Variants in GRID1 observed in about 807,000 individuals in gnomAD.
GRID1 encodes glutamate receptor ionotropic, delta-1.
GRID1 carries 28 observed loss-of-function variants against 98.0 expected under a neutral mutation model. The observed-to-expected ratio is 0.29, with a 90% confidence interval of 0.21 to 0.39. The LOEUF is 0.39. Ranked by LOEUF, GRID1 falls within the 10% of genes least tolerant of loss-of-function variation. The pLI is 1.00. For synonymous variants in GRID1, 553 were observed against 538.5 expected, an observed-to-expected ratio of 1.03 and a Z score of -0.37; for missense variants, 1,111 against 1,340.5, an observed-to-expected ratio of 0.83 and a Z score of 2.67.
intron 4 of GRID1, among the ~76,000 whole-genome samples, chr10:85,920,482 C>T (rs528039024): frequency 1.3e-5 from 2 of 152,320 alleles, no homozygotes; most frequent in East Asian, 3.9e-4. Flanking sequence ...GCCCACCCAA[C>T]CCCAACAGGC....
At position 86,187,558 on chromosome 10, in the gene GRID1, A is replaced by G. The variant is rs376983795; in HGVS notation, c.520+18806T>C. The stretch of plus-strand genomic sequence containing the variant: ...ACCCAGCACTGAACGAGACCAGGAA[A>G]TGTGAGATTCCCAGGAGCAGCCAGA... On this transcript the variant is annotated intron_variant, in intron 3 of 15. Coordinates refer to ENST00000327946, the MANE Select transcript of GRID1 (RefSeq NM_017551.3). Among the ~76,000 whole-genome samples, 4 of 152,324 alleles carry G rather than the reference A, an allele frequency of 2.6e-5. No individual in the cohort carries two copies. In the South Asian group the frequency reaches 6.2e-4, roughly 24 times the overall value.
chr10:85,927,510 T>TAAAA (rs60653864), intron 4 of GRID1, among the ~76,000 whole-genome samples: 5,253 of 146,332 alleles, frequency 0.036, 140 homozygotes, highest in South Asian at 0.13. Flanking sequence ...AAGTTTCTTG[T>TAAAA]AAAAAAAAAA....
intron 8 of GRID1, among the ~76,000 whole-genome samples, chr10:85,804,455 A>T (rs1842604361): frequency 6.6e-6 from 1 of 151,884 alleles, no homozygotes; most frequent in Admixed American, 6.6e-5. Flanking sequence ...AACAATACCA[A>T]TTTCACACAA....
chr10:86,183,688 T>A (rs911252820), intron 3 of GRID1, among the ~76,000 whole-genome samples: 1 of 152,236 alleles, frequency 6.6e-6, no homozygotes, highest in African/African-American at 2.4e-5. Flanking sequence ...CACTTGCCAA[T>A]GGACATTTTG....
intron 4 of GRID1, among the ~76,000 whole-genome samples, chr10:86,107,691 G>T (rs1011002945): frequency 6.6e-6 from 1 of 152,182 alleles, no homozygotes; most frequent in Non-Finnish European, 1.5e-5. Flanking sequence ...AAACACACAG[G>T]CAGCTGAATA....
At chr10:86,019,576 C>T (rs563950026) in intron 4 of GRID1, among the ~76,000 whole-genome samples, 1 of 152,376 alleles carries the variant, frequency 6.6e-6, no homozygotes, top group Admixed American at 6.5e-5. Context: ...CACATGCATG[C>T]TAGGCCCTTT....
At chr10:86,055,597 G>C (rs1203064941) in intron 4 of GRID1, among the ~76,000 whole-genome samples, 1 of 152,120 alleles carries the variant, frequency 6.6e-6, no homozygotes, top group Non-Finnish European at 1.5e-5. Context: ...ACAAAAATTA[G>C]ACAGACATGA....
At chr10:86,210,636 T>A (rs1846095001) in intron 2 of GRID1, among the ~76,000 whole-genome samples, 1 of 152,154 alleles carries the variant, frequency 6.6e-6, no homozygotes, top group South Asian at 2.1e-4. Flanking sequence ...CCACCCCTCG[T>A]GGAGCCACCT....
At chr10:85,920,729 C>T (rs1390445124) in intron 4 of GRID1, among the ~76,000 whole-genome samples, 2 of 152,166 alleles carry the variant, frequency 1.3e-5, no homozygotes, top group Non-Finnish European at 2.9e-5. Flanking sequence ...CCCGGTCAGA[C>T]AAGCAAAGGG....
intron 4 of GRID1, among the ~76,000 whole-genome samples, chr10:86,117,964 A>G (rs1025737024): frequency 6.6e-6 from 1 of 152,254 alleles, no homozygotes; most frequent in African/African-American, 2.4e-5. Context: ...TATCTACCCA[A>G]AGGAAAAGAA....
chr10:86,063,337 G>A (rs1211705385), intron 4 of GRID1, among the ~76,000 whole-genome samples: 1 of 152,184 alleles, frequency 6.6e-6, no homozygotes, highest in African/African-American at 2.4e-5. Flanking sequence ...AAGCATAAAG[G>A]AGCTCATGGT....
intron 4 of GRID1, among the ~76,000 whole-genome samples, chr10:86,064,438 G>A (rs113858288): frequency 0.043 from 6,588 of 152,304 alleles, 168 homozygotes; most frequent in Middle Eastern, 0.068. Context: ...AAGCTGGCCT[G>A]GAAGGGATGC....
intron 4 of GRID1, among the ~76,000 whole-genome samples, chr10:86,014,345 A>G (rs1174217070): frequency 1.3e-5 from 2 of 152,246 alleles, no homozygotes; most frequent in East Asian, 1.9e-4. Context: ...AATGGAAACC[A>G]TACTAAATGG....
intron 4 of GRID1, among the ~76,000 whole-genome samples, chr10:86,123,978 C>T (rs889659150): frequency 1.3e-5 from 2 of 152,220 alleles, no homozygotes; most frequent in African/African-American, 4.8e-5. Context: ...CAGAATGAGG[C>T]TGCCAGGCAG....
intron 10 of GRID1, among the ~76,000 whole-genome samples, chr10:85,726,909 T>C (rs74148734): frequency 0.061 from 9,273 of 152,254 alleles, 539 homozygotes; most frequent in African/African-American, 0.15. Flanking sequence ...ATAAATTTTA[T>C]AGTATGTGAA....
intron 4 of GRID1, among the ~76,000 whole-genome samples, chr10:86,104,283 C>T (rs570492309): frequency 2.5e-3 from 378 of 152,332 alleles, no homozygotes; most frequent in African/African-American, 8.6e-3. Flanking sequence ...GACCCAACCA[C>T]GCCTGCTCTG....
intron 13 of GRID1, among the ~76,000 whole-genome samples, chr10:85,630,860 T>G (rs1305289824): frequency 6.6e-6 from 1 of 152,202 alleles, no homozygotes; most frequent in Non-Finnish European, 1.5e-5. Context: ...ATGTAATGAC[T>G]TAGACCTCTG....
intron 12 of GRID1, among the ~76,000 whole-genome samples, chr10:85,696,913 A>C (rs1841401193): frequency 6.6e-6 from 1 of 152,002 alleles, no homozygotes; most frequent in South Asian, 2.1e-4. Context: ...ACATTATGTT[A>C]GTTATATTTC....
intron 4 of GRID1, among the ~76,000 whole-genome samples, chr10:86,040,776 G>T (rs2131898805): frequency 6.6e-6 from 1 of 152,306 alleles, no homozygotes; most frequent in South Asian, 2.1e-4. Flanking sequence ...AATGACCAAT[G>T]TTTAAGGTGA....
Sources: allele counts gnomAD v4.1 joint callset (sites outside exome capture counted in the v4.1 genomes callset), GRCh38; gene constraint gnomAD v4.1.1; transcripts MANE v1.5; gene names NCBI Gene and HGNC (gene_info 2026-07-23, HGNC 2026-07-21).